Variants in SDR42E2 observed in about 807,000 individuals in gnomAD.
SDR42E2 encodes the protein short chain dehydrogenase/reductase family 42E, member 2.
A neutral mutation model predicts 10.5 loss-of-function variants in SDR42E2; 20 were observed. The ratio of observed to expected loss-of-function variants is 1.90; its 90% CI spans 1.34 to 2.77. The LOEUF is 2.77. Among genes scored for constraint, SDR42E2 ranks in the 30% most tolerant of loss-of-function variants. The pLI is 0.00. For missense variants in SDR42E2, 162 were observed against 104.2 expected, an observed-to-expected ratio of 1.55 and a Z score of -2.42; for synonymous variants, 72 against 39.2, an observed-to-expected ratio of 1.84 and a Z score of -3.12.
At chr16:22,180,132 C>T (rs1199047215) in intron 8 of SDR42E2, among the ~76,000 whole-genome samples, 4 of 152,096 alleles carry the variant, frequency 2.6e-5, no homozygotes, top group African/African-American at 7.2e-5. Context: ...GGGGCCAGAT[C>T]AGGAAGGGTT....
In SDR42E2 at chr16:22,172,289, G is replaced by A. The variant is rs754339390; in HGVS notation, c.547G>A (p.Ala183Thr). ...CCACTACTCCCGAACCAAAGCCATCGCCGACCAATTGACCCTCATGGCCAA... is the reference window on the plus strand; with the variant it reads ...CCACTACTCCCGAACCAAAGCCATCACCGACCAATTGACCCTCATGGCCAA... ...VDHYSRTKAI[A>T]DQLTLMANGM... The change falls in exon 7 of 13, where the codon GCC becomes ACC. Residue 183 changes from alanine (A) to threonine (T), a missense_variant. Coordinates refer to ENST00000602312, the MANE Select transcript of SDR42E2 (RefSeq NM_001394319.2). The A allele has an allele frequency of 4.3e-6, 3 of 703,192 alleles. No homozygotes were observed. The highest frequency in any genetic ancestry group is 1.7e-5 in the African/African-American group (1 of 57,380). 43.6% of individuals were successfully genotyped at this position (703,192 alleles called of 1,614,324 possible).
chr16:22,172,421 C>T, intron 7 of SDR42E2, 90 bp downstream of exon 7: 2 of 694,632 alleles, frequency 2.9e-6, no homozygotes, highest in Non-Finnish European at 5.3e-6. Context: ...TAACATGTGT[C>T]TGAGGCCCAC....
chr16:22,169,042 A>G (rs2142062077), intron 4 of SDR42E2, among the ~76,000 whole-genome samples: 1 of 152,200 alleles, frequency 6.6e-6, no homozygotes, highest in African/African-American at 2.4e-5. Flanking sequence ...CTCCCTCGTG[A>G]GGGCCCAGCC....
chr16:22,185,277 G>T (rs2046728536), intron 11 of SDR42E2, among the ~76,000 whole-genome samples: 1 of 152,194 alleles, frequency 6.6e-6, no homozygotes, highest in African/African-American at 2.4e-5. Flanking sequence ...TCCTTGGCAG[G>T]ATCTCTTGTG....
Position 22,190,714 on chromosome 16 carries a change from G to A in SDR42E2, c.*321G>A. On this transcript the variant is annotated 3_prime_UTR_variant, in exon 13 of 13. Transcript: ENST00000602312. ...TGAATCCTGGCCACGTCCCTGGTCG[G>A]CCCAGACGCGTAGCCCCGAGTCTCT... 1 of 315,766 alleles carries A rather than the reference G, an allele frequency of 3.2e-6. No individual in the cohort carries two copies. The allele number at this position is 315,766 out of a possible 1,614,324, so 19.6% of individuals were successfully genotyped here. A position where few individuals can be genotyped will look rare whatever the true frequency, so the allele number is the denominator to read the frequency against.
At chr16:22,175,474 C>G (rs1343441492) in intron 7 of SDR42E2, among the ~76,000 whole-genome samples, 1 of 151,674 alleles carries the variant, frequency 6.6e-6, no homozygotes. Flanking sequence ...TCCTGGAGGC[C>G]AGAGTCTGAA....
chr16:22,190,257 C>G lies in SDR42E2; in HGVS notation c.1133C>G (p.Thr378Ser). 1 of 401,288 alleles carries G rather than the reference C, an allele frequency of 2.5e-6. No homozygotes were observed. The allele number at this position is 401,288 out of a possible 1,614,324, so 24.9% of individuals were successfully genotyped here. A position where few individuals can be genotyped will look rare whatever the true frequency, so the allele number is the denominator to read the frequency against. The change falls in exon 13 of 13, where the codon ACC becomes AGC. Residue 378 changes from threonine to serine, a missense_variant. Transcript: ENST00000602312. ...GTGGAGCTATACGTGCAGTCCACGA[C>G]CCGGCGGCCCCGCGGCTCCACGGCG... ...DAVELYVQST[T>S]RRPRGSTART...
In SDR42E2 at chr16:22,191,147, C is replaced by A. The variant is rs2046772667; in HGVS notation, c.*754C>A. 1 of 154,120 alleles carries A rather than the reference C, an allele frequency of 6.5e-6. No individual in the cohort carries two copies. The allele number at this position is 154,120 out of a possible 1,614,324, so 9.5% of individuals were successfully genotyped here. ...TATGGGCCAAGGCTCACAGCTTCCT[C>A]CGCCTTCTGGACCTTCTCCTAGTCC... On this transcript the variant is annotated 3_prime_UTR_variant, in exon 13 of 13. Transcript: ENST00000602312.
rs186722794 is a variant in SDR42E2 at position 22,184,307 on chromosome 16, A to G, written c.940+63A>G. The G allele has an allele frequency of 7.7e-4, 306 of 398,632 alleles. 1 individual carries two copies. The highest frequency in any genetic ancestry group is 2.1e-3 in the Admixed American group (47 of 22,626). The allele number at this position is 398,632 out of a possible 1,614,324, so 24.7% of individuals were successfully genotyped here. ...GCCAGGTGTACCTTGCATTGCCTTA[A>G]TTGAAACTCAGGGGCCAGGCACGGT... On this transcript the variant is annotated intron_variant, in intron 11 of 12. Coordinates refer to ENST00000602312, the MANE Select transcript of SDR42E2 (RefSeq NM_001394319.2).
chr16:22,182,708 A>G (rs764755697), intron 10 of SDR42E2, among the ~76,000 whole-genome samples: 18 of 152,090 alleles, frequency 1.2e-4, no homozygotes, highest in Admixed American at 6.6e-5. Context: ...CACGTCAAAA[A>G]CCAACTCTTT....
chr16:22,186,200 C>T (rs2046735349), intron 11 of SDR42E2, among the ~76,000 whole-genome samples: 1 of 151,934 alleles, frequency 6.6e-6, no homozygotes, highest in Non-Finnish European at 1.5e-5. Flanking sequence ...TTAAAAACTT[C>T]AGTCGTTCAA....
rs778839331 is a variant in SDR42E2 at position 22,191,663 on chromosome 16, C to T, written c.*1270C>T. ...AGCATAGTAAGCACAGGTTTTAGTA[C>T]CAGAAAGAGCATGAAAAATTTAAAA... On this transcript the variant is annotated 3_prime_UTR_variant, in exon 13 of 13. Transcript: ENST00000602312. 6.7e-6 allele frequency: 1 copy of T among 150,098 alleles called. No homozygotes were observed. Among genetic ancestry groups the T allele is most frequent in the Non-Finnish European group, 1.5e-5 (1 of 67,708 alleles). The allele number at this position is 150,098 out of a possible 1,614,324, so 9.3% of individuals were successfully genotyped here.
intron 11 of SDR42E2, among the ~76,000 whole-genome samples, chr16:22,185,123 G>T (rs892468730): frequency 6.6e-6 from 1 of 152,108 alleles, no homozygotes; most frequent in Non-Finnish European, 1.5e-5. Context: ...CCGACAATGC[G>T]TCTTGGCTGC....
chr16:22,182,747 C>A lies in SDR42E2; in HGVS notation c.876+470C>A, dbSNP rs1455243513. On this transcript the variant is annotated intron_variant, in intron 10 of 12. Transcript: ENST00000602312. ...CAGTGAGGTGGCTCACATCTGTAAG[C>A]CCAGCACTTTGGGAGGCTAACACGG... is the stretch of plus-strand genomic sequence containing the variant. Among the ~76,000 whole-genome samples the A allele has an allele frequency of 2.0e-5, 3 of 152,194 alleles. No individual in the cohort carries two copies. The East Asian group carries it at 5.8e-4, about 29-fold the overall frequency.
intron 10 of SDR42E2, among the ~76,000 whole-genome samples, chr16:22,183,952 A>ATT (rs906178521): frequency 2.0e-3 from 296 of 149,750 alleles, no homozygotes; most frequent in African/African-American, 5.8e-3. Context: ...AAAAAAAAAA[A>ATT]TTTTAACTAA....
At position 22,190,471 on chromosome 16, in the gene SDR42E2, C is replaced by G; in HGVS notation, c.*78C>G. On this transcript the variant is annotated 3_prime_UTR_variant, in exon 13 of 13. Transcript: ENST00000602312. ...GCCCGGCTCCCTGGGCTTGTACCAG[C>G]CCCTGCCCCGCCTTCTGGGTTTGAG... The G allele has an allele frequency of 2.5e-6, 1 of 400,812 alleles. No homozygotes were observed. The highest frequency in any genetic ancestry group is 2.1e-5 in the African/African-American group (1 of 48,724). The allele number at this position is 400,812 out of a possible 1,614,324, so 24.8% of individuals were successfully genotyped here. A position where few individuals can be genotyped will look rare whatever the true frequency, so the allele number is the denominator to read the frequency against.
At chr16:22,179,898 A>G (rs559637701) in intron 8 of SDR42E2, among the ~76,000 whole-genome samples, 4 of 152,038 alleles carry the variant, frequency 2.6e-5, no homozygotes, top group African/African-American at 9.7e-5. Context: ...CTTGTCAGGT[A>G]GTCACGGGGG....
chr16:22,187,843 C>A (rs2046746282), intron 12 of SDR42E2, among the ~76,000 whole-genome samples: 1 of 152,004 alleles, frequency 6.6e-6, no homozygotes, highest in Admixed American at 6.6e-5. Context: ...CACACTTGTT[C>A]CCAGCACTTT....
At chr16:22,166,184 C>G (rs763940234) in intron 2 of SDR42E2, 66 bp from the exon 3 acceptor site, 76 of 419,598 alleles carry the variant, frequency 1.8e-4, no homozygotes, top group Non-Finnish European at 2.9e-4. Context: ...GAGCTAGGGC[C>G]TGGGCTCAGA....
Sources: gnomAD v4.1 joint callset for allele counts (sites outside exome capture counted in the v4.1 genomes callset) on GRCh38, gnomAD v4.1.1 for gene constraint, MANE v1.5 for transcripts, NCBI Gene and HGNC (gene_info 2026-07-23, HGNC 2026-07-21) for gene names.